Variants in AGBL4 observed in about 807,000 individuals in gnomAD.
AGBL4 encodes AGBL carboxypeptidase 4.
In AGBL4, 58 loss-of-function variants were observed where a neutral mutation model predicts 66.4. The observed-to-expected ratio is 0.87, with a 90% CI of 0.71 to 1.09. AGBL4 has a LOEUF of 1.09. AGBL4 is among the 50% of genes least tolerant of loss of function. AGBL4 has a pLI of 0.00. For missense variants in AGBL4, 579 were observed against 631.0 expected (o/e 0.92, Z 0.88); for synonymous variants, 234 against 222.9 (o/e 1.05, Z -0.44).
chr1:49,864,878 G>A (rs550095178), intron 1 of AGBL4, among the ~76,000 whole-genome samples: 10 of 152,228 alleles, frequency 6.6e-5, no homozygotes, highest in Admixed American at 3.9e-4. Flanking sequence ...GAGGGGAGGC[G>A]GCCATCACTG....
chr1:48,948,766 T>C (rs1275208491), intron 5 of AGBL4, among the ~76,000 whole-genome samples: 1 of 152,150 alleles, frequency 6.6e-6, no homozygotes, highest in Admixed American at 6.5e-5. Flanking sequence ...CTTTGACACT[T>C]AGTATGTACA....
chr1:49,794,224 T>G (rs978793420), intron 2 of AGBL4, among the ~76,000 whole-genome samples: 2 of 151,760 alleles, frequency 1.3e-5, no homozygotes, highest in Non-Finnish European at 3.0e-5. Context: ...ATATTGTCAT[T>G]TTTTTTGCCG....
chr1:49,701,347 T>C (rs960014330), intron 2 of AGBL4, among the ~76,000 whole-genome samples: 1 of 151,960 alleles, frequency 6.6e-6, no homozygotes, highest in African/African-American at 2.4e-5. Flanking sequence ...GTAGATCTTA[T>C]GTTAAGTATT....
chr1:48,888,136 CAGTT>C lies in AGBL4; in HGVS notation c.595-20910_595-20907del, dbSNP rs1455268706. ...GTTCCCATAAACAGCACAAGCAACT[CAGTT>C]AGGCTAATTTATGTTCACACCAGGG... On this transcript the variant is annotated intron_variant, in intron 5 of 13. Coordinates refer to ENST00000371839, the MANE Select transcript of AGBL4 (RefSeq NM_032785.4). 2.6e-5 allele frequency among the ~76,000 whole-genome samples: 4 copies of C among 152,304 alleles called. No homozygotes were observed. The East Asian group carries it at 5.8e-4, about 22-fold the overall frequency.
At chr1:49,022,644 C>G (rs920960866) in intron 5 of AGBL4, among the ~76,000 whole-genome samples, 5 of 152,148 alleles carry the variant, frequency 3.3e-5, no homozygotes, top group Admixed American at 3.3e-4. Context: ...ATGCCTCTCT[C>G]AGCCCCTGTA....
chr1:49,632,593 TC>T (rs1276292047), intron 3 of AGBL4, among the ~76,000 whole-genome samples: 2 of 152,122 alleles, frequency 1.3e-5, no homozygotes, highest in Non-Finnish European at 2.9e-5. Flanking sequence ...TCAGACATCA[TC>T]TTTAGCTCTC....
intron 3 of AGBL4, among the ~76,000 whole-genome samples, chr1:49,435,016 T>C (rs1196502041): frequency 6.6e-6 from 1 of 152,158 alleles, no homozygotes; most frequent in East Asian, 1.9e-4. Flanking sequence ...AGCTGTCTCC[T>C]TCTCATCCTT....
chr1:48,845,176 A>AT (rs1424052842), intron 6 of AGBL4, among the ~76,000 whole-genome samples: 1 of 151,196 alleles, frequency 6.6e-6, no homozygotes, highest in Non-Finnish European at 1.5e-5. Context: ...TGATCAAAAA[A>AT]TTAGCTTTTT....
At chr1:49,895,904 ACTC>A (rs1266222180) in intron 1 of AGBL4, among the ~76,000 whole-genome samples, 1 of 151,024 alleles carries the variant, frequency 6.6e-6, no homozygotes. Context: ...AATATACTAA[ACTC>A]CTCAATGAAA....
chr1:49,559,011 C>T (rs887843483), intron 3 of AGBL4, among the ~76,000 whole-genome samples: 4 of 152,122 alleles, frequency 2.6e-5, no homozygotes, highest in Non-Finnish European at 4.4e-5. Context: ...CCTGGGGGAA[C>T]TCGCCATCCT....
At chr1:49,593,202 G>A (rs974861618) in intron 3 of AGBL4, among the ~76,000 whole-genome samples, 6 of 152,100 alleles carry the variant, frequency 3.9e-5, no homozygotes, top group African/African-American at 1.2e-4. Context: ...AGGTCAGATT[G>A]AGACCATCCT....
intron 3 of AGBL4, among the ~76,000 whole-genome samples, chr1:49,392,255 C>A (rs1229527697): frequency 6.6e-6 from 1 of 152,158 alleles, no homozygotes; most frequent in Non-Finnish European, 1.5e-5. Flanking sequence ...CTATATTAAG[C>A]AGCATAGACA....
chr1:48,905,489 C>A (rs3121529), intron 5 of AGBL4, among the ~76,000 whole-genome samples: 148,732 of 152,338 alleles, frequency 0.98, 72,691 homozygotes, highest in East Asian at 1. Flanking sequence ...AAAGATAATC[C>A]ATGTTTCTCA....
intron 3 of AGBL4, among the ~76,000 whole-genome samples, chr1:49,464,157 A>T (rs562594364): frequency 3.3e-5 from 5 of 151,916 alleles, no homozygotes; most frequent in African/African-American, 1.2e-4. Flanking sequence ...CTGAGAAGGC[A>T]ACTAAGATAG....
At chr1:48,626,501 G>A (rs995994091) in intron 9 of AGBL4, among the ~76,000 whole-genome samples, 10 of 152,220 alleles carry the variant, frequency 6.6e-5, no homozygotes, top group Non-Finnish European at 1.0e-4. Context: ...TGTGCCTTGT[G>A]GAAGTTCTGC....
chr1:48,670,422 C>T (rs1281531122), intron 6 of AGBL4, among the ~76,000 whole-genome samples: 1 of 152,228 alleles, frequency 6.6e-6, no homozygotes, highest in East Asian at 1.9e-4. Flanking sequence ...GGGCAATGGC[C>T]ATGCAGGCTG....
At chr1:49,411,729 T>C (rs1219951021) in intron 3 of AGBL4, among the ~76,000 whole-genome samples, 1 of 152,114 alleles carries the variant, frequency 6.6e-6, no homozygotes, top group Non-Finnish European at 1.5e-5. Flanking sequence ...AATCCTTTAA[T>C]GTATATAAAA....
intron 2 of AGBL4, among the ~76,000 whole-genome samples, chr1:49,701,291 C>CA (rs551650692): frequency 3.4e-3 from 443 of 128,820 alleles, no homozygotes; most frequent in African/African-American, 9.3e-3. Context: ...GACTCTGTCT[C>CA]AAAAAAAAAA....
intron 5 of AGBL4, among the ~76,000 whole-genome samples, chr1:48,928,443 G>C (rs766314292): frequency 1.3e-5 from 2 of 151,964 alleles, no homozygotes; most frequent in Non-Finnish European, 2.9e-5. Flanking sequence ...TTAGACCTTT[G>C]GTATAAAAAT....
Sources: allele counts gnomAD v4.1 joint callset (sites outside exome capture counted in the v4.1 genomes callset), GRCh38; gene constraint gnomAD v4.1.1; transcripts MANE v1.5; gene names NCBI Gene and HGNC (gene_info 2026-07-23, HGNC 2026-07-21).